WDR25: variants seen among roughly 807,000 people sequenced by gnomAD.
The protein encoded by WDR25 is WD repeat domain 25.
A neutral mutation model predicts 47.7 loss-of-function variants in WDR25; 35 were observed. The ratio of observed to expected loss-of-function variants is 0.73; its 90% CI spans 0.56 to 0.97. WDR25 has a LOEUF of 0.97. WDR25 is among the 50% of genes least tolerant of loss of function. The probability of loss-of-function intolerance (pLI) is 0.00; values close to 1 mark genes in which losing one functional copy is unlikely to be tolerated. For missense variants in WDR25, 634 were observed against 704.7 expected, an observed-to-expected ratio of 0.90 and a Z score of 1.14; for synonymous variants, 248 against 278.9, an observed-to-expected ratio of 0.89 and a Z score of 1.10.
intron 2 of WDR25, among the ~76,000 whole-genome samples, chr14:100,443,579 C>T (rs1011487770): frequency 6.6e-6 from 1 of 152,222 alleles, no homozygotes; most frequent in African/African-American, 2.4e-5. Context: ...ATCATTGCTG[C>T]AGCCTCATGT....
chr14:100,510,166 A>G (rs1343404936), intron 4 of WDR25, among the ~76,000 whole-genome samples: 1 of 151,938 alleles, frequency 6.6e-6, no homozygotes, highest in Admixed American at 6.6e-5. Context: ...GCTACTCAGG[A>G]GGCTGAGGCA....
intron 2 of WDR25, among the ~76,000 whole-genome samples, chr14:100,460,000 C>T (rs1018011079): frequency 1.0e-4 from 15 of 146,200 alleles, no homozygotes; most frequent in Non-Finnish European, 2.3e-4. Flanking sequence ...AGAAGGGGGA[C>T]ACTTCCCAAC....
intron 5 of WDR25, among the ~76,000 whole-genome samples, chr14:100,527,356 A>G (rs8020490): frequency 0.015 from 2,218 of 152,306 alleles, 83 homozygotes; most frequent in African/African-American, 0.051. Context: ...TGTCACCACT[A>G]CCACCGCCAT....
intron 2 of WDR25, among the ~76,000 whole-genome samples, chr14:100,393,371 GTTGT>G (rs2140157122): frequency 6.6e-6 from 1 of 152,348 alleles, no homozygotes; most frequent in East Asian, 1.9e-4. Context: ...GCTTAGAAAA[GTTGT>G]TTGTTTTCGT....
intron 4 of WDR25, among the ~76,000 whole-genome samples, chr14:100,493,058 G>C (rs1290019761): frequency 6.6e-6 from 1 of 152,190 alleles, no homozygotes; most frequent in Admixed American, 6.5e-5. Context: ...CGATTCTCCT[G>C]CGTCAGCCCA....
chr14:100,416,642 T>C (rs958205686), intron 2 of WDR25, among the ~76,000 whole-genome samples: 1 of 152,178 alleles, frequency 6.6e-6, no homozygotes, highest in African/African-American at 2.4e-5. Flanking sequence ...TTCCTTGAGG[T>C]TGCCTTTCTC....
intron 4 of WDR25, among the ~76,000 whole-genome samples, chr14:100,496,308 T>C (rs1379876205): frequency 6.6e-6 from 1 of 152,240 alleles, no homozygotes; most frequent in Admixed American, 6.5e-5. Context: ...TGATTTGTAA[T>C]ATTCTCTTTT....
Position 100,506,748 on chromosome 14 carries a change from TTTA to T in WDR25, c.1102-19121_1102-19119del, listed in dbSNP as rs1901124742. Among the ~76,000 whole-genome samples the T allele has an allele frequency of 6.6e-6, 1 of 152,208 alleles. No individual in the cohort carries two copies. The highest frequency in any genetic ancestry group is 1.9e-4 in the East Asian group (1 of 5,200). ...GTCTATTCATGTCTTTGGCCCATTT[TTTA>T]ATAGGGTTATTTGTTTTTTTGCTTG... On this transcript the variant is annotated intron_variant, in intron 4 of 6. Coordinates refer to ENST00000402312, the MANE Select transcript of WDR25 (RefSeq NM_001161476.3). This position sits in a 1 kb window ranked among gnomAD's most constrained non-coding sequence, Gnocchi z 4.8.
chr14:100,388,526 G>T lies in WDR25; in HGVS notation c.822+6780G>T, dbSNP rs186283968. 2.0e-4 allele frequency among the ~76,000 whole-genome samples: 31 copies of T among 152,290 alleles called. No individual in the cohort carries two copies. The East Asian group carries it at 5.4e-3, about 27-fold the overall frequency. ...ATTGGGAGTGTGGGGCTTTAGACTG[G>T]TTGGCAGCAGAGCTGCCGAGCCTCT... On this transcript the variant is annotated intron_variant, in intron 2 of 6. Transcript: ENST00000402312.
chr14:100,403,911 A>C (rs1400789596), intron 2 of WDR25, among the ~76,000 whole-genome samples: 1 of 152,128 alleles, frequency 6.6e-6, no homozygotes, highest in Non-Finnish European at 1.5e-5. Flanking sequence ...TGGATGATGG[A>C]CCCAGGGAAA....
intron 4 of WDR25, 68 bp downstream of exon 4, chr14:100,484,192 G>A: frequency 6.4e-7 from 1 of 1,551,028 alleles, no homozygotes; most frequent in Non-Finnish European, 8.7e-7. Context: ...AATAATTGGG[G>A]GCAGGTCAGC....
At chr14:100,390,429 A>ATGTG (rs1897118993) in intron 2 of WDR25, among the ~76,000 whole-genome samples, 2 of 100,974 alleles carry the variant, frequency 2.0e-5, no homozygotes, top group South Asian at 5.2e-4. Context: ...GTGTGTGTGC[A>ATGTG]TGCACACGCC....
chr14:100,454,525 A>G (rs1042144637), intron 2 of WDR25: 4 of 1,101,254 alleles, frequency 3.6e-6, no homozygotes, highest in East Asian at 5.8e-5. Context: ...TACAACAGCA[A>G]CAACAACAAA....
chr14:100,405,435 A>G (rs990150602), intron 2 of WDR25, among the ~76,000 whole-genome samples: 1 of 151,724 alleles, frequency 6.6e-6, no homozygotes, highest in African/African-American at 2.4e-5. Flanking sequence ...TGCTGGGATT[A>G]CAGGCATGAG....
At chr14:100,476,237 C>G (rs1375158212) in intron 3 of WDR25, among the ~76,000 whole-genome samples, 1 of 152,228 alleles carries the variant, frequency 6.6e-6, no homozygotes, top group East Asian at 1.9e-4. Flanking sequence ...CCAGCTGGCT[C>G]TCAGGCCAGA....
intron 3 of WDR25, among the ~76,000 whole-genome samples, chr14:100,469,325 C>G (rs1211586697): frequency 1.3e-5 from 2 of 152,182 alleles, no homozygotes; most frequent in African/African-American, 2.4e-5. Context: ...CTTGCATGCT[C>G]AGTAGGGGAG....
intron 2 of WDR25, among the ~76,000 whole-genome samples, chr14:100,426,467 A>G (rs572920448): frequency 2.4e-4 from 37 of 152,326 alleles, no homozygotes; most frequent in Middle Eastern, 6.8e-3. Flanking sequence ...GTGGCACTGT[A>G]TTTCAGGCAG....
chr14:100,423,759 T>C (rs1566903457), intron 2 of WDR25, among the ~76,000 whole-genome samples: 1 of 152,240 alleles, frequency 6.6e-6, no homozygotes, highest in Non-Finnish European at 1.5e-5. Context: ...TTTGGATTCT[T>C]ATCTGTGTTG....
chr14:100,464,866 C>T (rs1899568972), intron 2 of WDR25, among the ~76,000 whole-genome samples: 1 of 150,182 alleles, frequency 6.7e-6, no homozygotes, highest in Non-Finnish European at 1.5e-5. Flanking sequence ...CTACTCTCCC[C>T]TACCCCATCT....
Sources: allele counts gnomAD v4.1 joint callset (sites outside exome capture counted in the v4.1 genomes callset), GRCh38; gene constraint gnomAD v4.1.1; non-coding constraint Gnocchi (gnomAD v3.1); transcripts MANE v1.5; gene names NCBI Gene and HGNC (gene_info 2026-07-23, HGNC 2026-07-21).